The following NBAS variants were observed in gnomAD, a reference collection of about 807,000 sequenced individuals.
The protein encoded by NBAS is NBAS subunit of NRZ tethering complex.
A neutral mutation model predicts 302.5 loss-of-function variants in NBAS; 219 were observed. The ratio of observed to expected loss-of-function variants is 0.72; its 90% CI spans 0.65 to 0.81. The LOEUF is 0.81. Ranked by LOEUF, NBAS falls within the 30% of genes least tolerant of loss-of-function variation. The probability of loss-of-function intolerance (pLI) is 0.00; values close to 1 mark genes in which losing one functional copy is unlikely to be tolerated. For synonymous variants in NBAS, 1,118 were observed against 1,021.6 expected, an observed-to-expected ratio of 1.09 and a Z score of -1.80; for missense variants, 2,932 against 2,841.6, an observed-to-expected ratio of 1.03 and a Z score of -0.72.
chr2:15,495,381 C>CA (rs1289290548), intron 11 of NBAS, among the ~76,000 whole-genome samples: 1 of 151,574 alleles, frequency 6.6e-6, no homozygotes, highest in Admixed American at 6.6e-5. Flanking sequence ...TACATGGACA[C>CA]AAAAGGACAA....
intron 40 of NBAS, among the ~76,000 whole-genome samples, chr2:15,300,118 C>G (rs79397246): frequency 0.024 from 3,654 of 152,268 alleles, 94 homozygotes; most frequent in East Asian, 0.14. Flanking sequence ...CGATGCTGCC[C>G]TTCAAGATGC....
At chr2:14,918,018 C>A in the NBAS span, among the ~76,000 whole-genome samples, 1 of 152,160 alleles carries the variant, frequency 6.6e-6, no homozygotes, top group South Asian at 2.1e-4. Flanking sequence ...TAACTCGCAG[C>A]ATCCAAGTTC....
Position 15,371,032 on chromosome 2 carries a change from A to G in NBAS, c.3703+3576T>C, listed in dbSNP as rs557863216. On this transcript the variant is annotated intron_variant, in intron 31 of 51. Transcript: ENST00000281513. ...CCACTCAAATTTCATCTTCAATTGC[A>G]ATCCCCAGGTGTTGAGGGAATGACC... Among the ~76,000 whole-genome samples the G allele has an allele frequency of 2.2e-3, 332 of 152,226 alleles. 1 individual carries two copies. Among genetic ancestry groups the G allele is most frequent in the African/African-American group, 7.8e-3 (322 of 41,546 alleles).
chr2:15,439,769 A>G (rs1203215622), intron 21 of NBAS, among the ~76,000 whole-genome samples: 2 of 152,220 alleles, frequency 1.3e-5, no homozygotes, highest in Non-Finnish European at 2.9e-5. Flanking sequence ...AAGGGGTGAC[A>G]GACAGCACCT....
At chr2:14,846,988 A>C in the NBAS span, among the ~76,000 whole-genome samples, 2 of 152,210 alleles carry the variant, frequency 1.3e-5, no homozygotes, top group Non-Finnish European at 2.9e-5. Flanking sequence ...TTGAATGTAA[A>C]TGGACCAACC....
chr2:15,053,768 T>C, the NBAS span, among the ~76,000 whole-genome samples: 1 of 152,008 alleles, frequency 6.6e-6, no homozygotes, highest in Non-Finnish European at 1.5e-5. Context: ...AGATGTACCA[T>C]GTGACTCTGA....
chr2:14,962,176 G>GAGCT, the NBAS span, among the ~76,000 whole-genome samples: 1 of 152,266 alleles, frequency 6.6e-6, no homozygotes, highest in Admixed American at 6.5e-5. Flanking sequence ...CGTCCGTCCT[G>GAGCT]AGCTCCCTGT....
intron 26 of NBAS, among the ~76,000 whole-genome samples, chr2:15,399,454 G>A (rs932579379): frequency 1.3e-5 from 2 of 152,156 alleles, no homozygotes; most frequent in Non-Finnish European, 2.9e-5. Flanking sequence ...AATCTATTAA[G>A]ACTATCTAGT....
intron 5 of NBAS, among the ~76,000 whole-genome samples, chr2:15,553,126 T>A (rs187572710): frequency 5.3e-5 from 8 of 152,258 alleles, no homozygotes; most frequent in Middle Eastern, 3.4e-3. Context: ...AATATAGCAG[T>A]AAATAGTCAC....
At chr2:15,429,828 C>A (rs537583806) in intron 21 of NBAS, among the ~76,000 whole-genome samples, 21 of 152,138 alleles carry the variant, frequency 1.4e-4, no homozygotes, top group Non-Finnish European at 2.9e-4. Flanking sequence ...ATGGATGCTA[C>A]AACCATACTA....
intron 23 of NBAS, among the ~76,000 whole-genome samples, chr2:15,421,272 C>T (rs529539599): frequency 2.0e-5 from 3 of 152,274 alleles, no homozygotes; most frequent in South Asian, 4.1e-4. Context: ...AATATACTCA[C>T]CAATTTTGTG....
chr2:15,486,251 C>A (rs1297580330), intron 12 of NBAS, among the ~76,000 whole-genome samples: 1 of 152,160 alleles, frequency 6.6e-6, no homozygotes, highest in Non-Finnish European at 1.5e-5. Context: ...TTGTGAGCCC[C>A]AAAATCTATT....
the NBAS span, among the ~76,000 whole-genome samples, chr2:14,940,368 G>A: frequency 2.6e-5 from 4 of 152,106 alleles, no homozygotes; most frequent in African/African-American, 9.7e-5. Context: ...CTCCAGTCAT[G>A]TGACATGTCT....
At chr2:14,796,101 A>G in the NBAS span, among the ~76,000 whole-genome samples, 5 of 152,336 alleles carry the variant, frequency 3.3e-5, no homozygotes, top group South Asian at 1.0e-3. Flanking sequence ...TTTGTTGAAA[A>G]GAATATTCTT....
chr2:15,200,311 T>G (rs983874840), intron 48 of NBAS, among the ~76,000 whole-genome samples: 3 of 152,238 alleles, frequency 2.0e-5, no homozygotes, highest in African/African-American at 7.2e-5. Flanking sequence ...AGGTTGATTT[T>G]CATCTCTTTT....
At chr2:15,278,020 CT>C (rs1669664561) in intron 42 of NBAS, among the ~76,000 whole-genome samples, 1 of 152,134 alleles carries the variant, frequency 6.6e-6, no homozygotes, top group Admixed American at 6.5e-5. Context: ...ACAGAAGCAT[CT>C]GGGGGCAGTA....
At chr2:15,169,151 A>T (rs978919891) in intron 51 of NBAS, among the ~76,000 whole-genome samples, 3 of 152,232 alleles carry the variant, frequency 2.0e-5, no homozygotes, top group African/African-American at 7.2e-5. Context: ...ACTCCAGAAC[A>T]GAAGACCCTC....
the NBAS span, among the ~76,000 whole-genome samples, chr2:15,104,527 G>A: frequency 9.9e-5 from 15 of 151,442 alleles, no homozygotes; most frequent in African/African-American, 3.6e-4. Context: ...CAAAATTGTG[G>A]ATGTCACAGC....
the NBAS span, among the ~76,000 whole-genome samples, chr2:14,960,041 AG>A: frequency 6.6e-6 from 1 of 152,218 alleles, no homozygotes; most frequent in Admixed American, 6.5e-5. Context: ...TTTACCTTAT[AG>A]TACTTGCTAG....
Sources: gnomAD v4.1 joint callset for allele counts (sites outside exome capture counted in the v4.1 genomes callset) on GRCh38, gnomAD v4.1.1 for gene constraint, MANE v1.5 for transcripts, NCBI Gene and HGNC (gene_info 2026-07-23, HGNC 2026-07-21) for gene names.